The following BCAR3 variants were observed in gnomAD, a reference collection of about 807,000 sequenced individuals.
BCAR3 encodes the protein breast cancer anti-estrogen resistance protein 3.
A neutral mutation model predicts 80.1 loss-of-function variants in BCAR3; 37 were observed. The ratio of observed to expected loss-of-function variants is 0.46; its 90% confidence interval spans 0.36 to 0.61. The LOEUF (loss-of-function observed/expected upper bound fraction) is 0.61. BCAR3 is among the 20% of genes least tolerant of loss of function. The probability of loss-of-function intolerance (pLI) is 0.00; values close to 1 mark genes in which losing one functional copy is unlikely to be tolerated. For missense variants in BCAR3, 978 were observed against 1,068.2 expected (o/e 0.92, Z 1.18); for synonymous variants, 389 against 418.9 (o/e 0.93, Z 0.87).
chr1:93,695,626 TATCTACC>T (rs1649362396), intron 3 of BCAR3, among the ~76,000 whole-genome samples: 1 of 152,180 alleles, frequency 6.6e-6, no homozygotes, highest in Non-Finnish European at 1.5e-5. Flanking sequence ...TTTATGCCCC[TATCTACC>T]ATCTTTATCC....
intron 11 of BCAR3, among the ~76,000 whole-genome samples, chr1:93,563,180 A>G (rs1222731910): frequency 6.6e-6 from 1 of 152,218 alleles, no homozygotes; most frequent in Admixed American, 6.5e-5. Context: ...GAACACTTCC[A>G]TCACCTTAGT....
intron 2 of BCAR3, among the ~76,000 whole-genome samples, chr1:93,835,919 C>T (rs985467035): frequency 2.0e-5 from 3 of 152,200 alleles, no homozygotes; most frequent in African/African-American, 4.8e-5. Flanking sequence ...CTCAGTTTCA[C>T]CTTCCCACCT....
chr1:93,642,180 G>A, intron 3 of BCAR3, 124 bp downstream of exon 3: 1 of 1,119,854 alleles, frequency 8.9e-7, no homozygotes, highest in East Asian at 2.4e-5. Context: ...CCTCCCTGTT[G>A]TTTTGGAGAG....
intron 3 of BCAR3, among the ~76,000 whole-genome samples, chr1:93,593,037 A>G (rs1674274149): frequency 6.6e-6 from 1 of 152,246 alleles, no homozygotes; most frequent in South Asian, 2.1e-4. Context: ...ATTTAAAAAG[A>G]CAACCCTGGT....
At chr1:93,731,905 G>A (rs936403544) in intron 2 of BCAR3, among the ~76,000 whole-genome samples, 4 of 152,182 alleles carry the variant, frequency 2.6e-5, no homozygotes, top group African/African-American at 9.7e-5. Flanking sequence ...CAAAGAGAAG[G>A]AAGGTAGCAA....
At chr1:93,640,579 C>T (rs947608297) in intron 3 of BCAR3, among the ~76,000 whole-genome samples, 3 of 152,214 alleles carry the variant, frequency 2.0e-5, no homozygotes, top group Admixed American at 6.5e-5. Context: ...TCCATCACAT[C>T]TCACTGTCAG....
In BCAR3 at chr1:93,562,434, TAAAC is replaced by T. The variant is rs756435162; in HGVS notation, c.2300-19_2300-16del. On this transcript the variant is annotated splice_polypyrimidine_tract_variant and intron_variant, in intron 11 of 11. Transcript: ENST00000260502. ...TGGTTGAAAACCTAATGAAACAAAA[TAAAC>T]AAAAAGTTACTTCAGTTCTGCCTAA... 2.0e-5 allele frequency: 33 copies of T among 1,610,570 alleles called. No homozygotes were observed. The highest frequency in any genetic ancestry group is 2.5e-5 in the Non-Finnish European group (30 of 1,178,338).
chr1:93,573,463 G>A (rs1437955096), intron 8 of BCAR3, among the ~76,000 whole-genome samples: 2 of 152,036 alleles, frequency 1.3e-5, no homozygotes, highest in Admixed American at 6.5e-5. Context: ...GTTGTTACTA[G>A]AGTTGTCTCT....
rs754308137 is a variant in BCAR3 at position 93,674,752 on chromosome 1, G to C, written c.179C>G (p.Pro60Arg). Reference protein sequence around the residue: ...TLPRKKKGPPPIRSCDDFSHM... With the variant: ...TLPRKKKGPPRIRSCDDFSHM... ...ACTGAAGTCATCACAGGACCTTATGGGAGGAGGACCTTTTTTCTTCCGTGG... is the reference window on the plus strand; with the variant it reads ...ACTGAAGTCATCACAGGACCTTATGCGAGGAGGACCTTTTTTCTTCCGTGG... The change falls in exon 2 of 12, where the codon CCC becomes CGC. Residue 60 changes from proline (P) to arginine (R), a missense_variant. Physicochemically the swap from Pro to Arg is moderately radical, Grantham distance 103. Coordinates refer to ENST00000260502, the MANE Select transcript of BCAR3 (RefSeq NM_003567.4). 7 of 1,613,420 alleles carry C rather than the reference G, an allele frequency of 4.3e-6. No individual in the cohort carries two copies. The highest frequency in any genetic ancestry group is 5.1e-6 in the Non-Finnish European group (6 of 1,179,856).
At chr1:93,739,978 G>A (rs1372388990) in intron 2 of BCAR3, among the ~76,000 whole-genome samples, 4 of 151,682 alleles carry the variant, frequency 2.6e-5, no homozygotes, top group African/African-American at 9.7e-5. Flanking sequence ...GGAGGGTGCA[G>A]TGAGCCGAGA....
At chr1:93,673,446 A>C (rs143921385) in intron 2 of BCAR3, among the ~76,000 whole-genome samples, 77 of 152,324 alleles carry the variant, frequency 5.1e-4, no homozygotes, top group Middle Eastern at 3.4e-3. Context: ...AAATCAACAT[A>C]CTCTAATATA....
At chr1:93,756,605 T>C (rs1277451747) in intron 2 of BCAR3, among the ~76,000 whole-genome samples, 1 of 152,248 alleles carries the variant, frequency 6.6e-6, no homozygotes, top group East Asian at 1.9e-4. Context: ...CAATTCCAAT[T>C]AAAATGGTTA....
intron 2 of BCAR3, among the ~76,000 whole-genome samples, chr1:93,712,805 G>C (rs1471219931): frequency 6.6e-6 from 1 of 152,160 alleles, no homozygotes; most frequent in Admixed American, 6.5e-5. Context: ...CGCACACTTG[G>C]TTAGAATCAG....
chr1:93,615,262 C>T (rs188895475), intron 3 of BCAR3, among the ~76,000 whole-genome samples: 5 of 152,218 alleles, frequency 3.3e-5, no homozygotes, highest in Middle Eastern at 6.8e-3. Context: ...GTCAAATCCT[C>T]GGGAGACCTT....
At chr1:93,821,226 T>A (rs113312328) in intron 2 of BCAR3, among the ~76,000 whole-genome samples, 4 of 152,162 alleles carry the variant, frequency 2.6e-5, no homozygotes, top group African/African-American at 9.7e-5. Flanking sequence ...TGAGACTCCC[T>A]CAGGGATCCT....
intron 4 of BCAR3, among the ~76,000 whole-genome samples, chr1:93,591,336 A>G (rs236323): frequency 0.37 from 56,135 of 151,852 alleles, 14,359 homozygotes; most frequent in African/African-American, 0.74. Flanking sequence ...TTAGCAGGGC[A>G]TGGTGGTGGA....
Position 93,582,949 on chromosome 1 carries a change from G to A in BCAR3, c.1038C>T (p.Cys346=). 2 of 1,585,996 alleles carry A rather than the reference G, an allele frequency of 1.3e-6. No individual in the cohort carries two copies. The highest frequency in any genetic ancestry group is 2.2e-5 in the East Asian group (1 of 44,492). Residue 346 remains cysteine (C), a synonymous_variant, in exon 7 of 12, where the codon TGC becomes TGT. Coordinates refer to ENST00000260502, the MANE Select transcript of BCAR3 (RefSeq NM_003567.4). ...HQSESYLPIG[C]KLPPQSSGVD... is the part of the protein sequence containing the mutation. ...CACCCGAGGACTGAGGTGGCAGCTT[G>A]CAGCCTGTGGGGGATAAGAAAAGGT...
chr1:93,746,303 T>G (rs574546555), intron 2 of BCAR3, among the ~76,000 whole-genome samples: 2 of 152,228 alleles, frequency 1.3e-5, no homozygotes, highest in African/African-American at 4.8e-5. Flanking sequence ...TGGGCTAAGA[T>G]GCTACAAGGC....
chr1:93,593,546 A>G (rs972519149), intron 3 of BCAR3, among the ~76,000 whole-genome samples: 12 of 150,464 alleles, frequency 8.0e-5, no homozygotes, highest in African/African-American at 2.9e-4. Flanking sequence ...TAATTTTTGT[A>G]ATTTTTTTTT....
Sources: gnomAD v4.1 joint callset for allele counts (sites outside exome capture counted in the v4.1 genomes callset) on GRCh38, gnomAD v4.1.1 for gene constraint, MANE v1.5 for transcripts, NCBI Gene and HGNC (gene_info 2026-07-23, HGNC 2026-07-21) for gene names.